The following AMOTL1 variants were observed in gnomAD, a reference collection of about 807,000 sequenced individuals.
AMOTL1 encodes angiomotin-like protein 1.
A neutral mutation model predicts 102.9 loss-of-function variants in AMOTL1; 45 were observed. The ratio of observed to expected loss-of-function variants is 0.44; its 90% confidence interval spans 0.34 to 0.56. The LOEUF is 0.56. Ranked by LOEUF, AMOTL1 falls within the 20% of genes least tolerant of loss-of-function variation. The pLI is 0.01. For synonymous variants in AMOTL1, 481 were observed against 484.7 expected, an observed-to-expected ratio of 0.99 and a Z score of 0.10; for missense variants, 1,114 against 1,225.6, an observed-to-expected ratio of 0.91 and a Z score of 1.36.
chr11:94,797,246 G>A (rs1591975337), intron 2 of AMOTL1, among the ~76,000 whole-genome samples: 1 of 152,234 alleles, frequency 6.6e-6, no homozygotes, highest in Admixed American at 6.5e-5. Context: ...TTGAGGCTCA[G>A]GGAGGGAAAG....
At chr11:94,773,150 C>T (rs900512423) in intron 1 of AMOTL1, among the ~76,000 whole-genome samples, 7 of 152,144 alleles carry the variant, frequency 4.6e-5, no homozygotes. Context: ...CATATATTTT[C>T]CCAAGTATGT....
At chr11:94,753,646 T>C (rs1399631058) in intron 3 of AMOTL1, among the ~76,000 whole-genome samples, 1 of 152,192 alleles carries the variant, frequency 6.6e-6, no homozygotes, top group African/African-American at 2.4e-5. Context: ...TGGTAAGTGG[T>C]AGGGCCAGGG....
chr11:94,751,227 A>AT (rs780916641), intron 3 of AMOTL1, among the ~76,000 whole-genome samples: 10 of 151,794 alleles, frequency 6.6e-5, no homozygotes, highest in Admixed American at 2.0e-4. Context: ...CTATATATAT[A>AT]TATTTTTTTT....
At chr11:94,862,513 A>G (rs190320805) in intron 9 of AMOTL1, among the ~76,000 whole-genome samples, 2 of 152,308 alleles carry the variant, frequency 1.3e-5, no homozygotes, top group Admixed American at 1.3e-4. Flanking sequence ...TGGTTTTCCC[A>G]TCTTTATGCA....
At chr11:94,729,166 C>T (rs1040625527) in intron 2 of AMOTL1, 6 of 729,448 alleles carry the variant, frequency 8.2e-6, no homozygotes, top group Non-Finnish European at 1.2e-5. Context: ...TTTTCAAAAG[C>T]AGCTGAGTGG....
chr11:94,730,168 C>A (rs551592789), intron 2 of AMOTL1, among the ~76,000 whole-genome samples: 4 of 152,128 alleles, frequency 2.6e-5, no homozygotes, highest in African/African-American at 9.7e-5. Flanking sequence ...AAAAACTAAA[C>A]CTCCCTAGTT....
intron 6 of AMOTL1, among the ~76,000 whole-genome samples, chr11:94,840,685 C>T (rs200497346): frequency 0.16 from 19,111 of 117,358 alleles, 1,395 homozygotes; most frequent in Admixed American, 0.29. Context: ...TATATATACA[C>T]ACACACACAC....
chr11:94,768,249 C>G, upstream of AMOTL1: 1 of 1,204,062 alleles, frequency 8.3e-7, no homozygotes, highest in Non-Finnish European at 1.0e-6. Context: ...CTCTAGGGCC[C>G]AGCGGCCGGG....
chr11:94,840,519 T>G (rs1952275097), intron 6 of AMOTL1, among the ~76,000 whole-genome samples: 1 of 151,854 alleles, frequency 6.6e-6, no homozygotes, highest in South Asian at 2.1e-4. Flanking sequence ...AGACAACACA[T>G]TTCTTCATCC....
intron 3 of AMOTL1, among the ~76,000 whole-genome samples, chr11:94,810,124 A>G (rs1268259045): frequency 6.6e-6 from 1 of 152,220 alleles, no homozygotes; most frequent in Admixed American, 6.5e-5. Context: ...CTTGTGAAAA[A>G]TCAGATAGTG....
intron 1 of AMOTL1, among the ~76,000 whole-genome samples, chr11:94,727,917 C>A (rs866324244): frequency 7.9e-5 from 12 of 152,256 alleles, no homozygotes; most frequent in Middle Eastern, 3.4e-3. Context: ...AGCCAAAAAG[C>A]AACAAGTCAA....
intron 6 of AMOTL1, among the ~76,000 whole-genome samples, chr11:94,842,545 A>C (rs1322047184): frequency 6.6e-6 from 1 of 152,222 alleles, no homozygotes; most frequent in East Asian, 1.9e-4. Context: ...ACATTTAGGC[A>C]ACAGAGTTTG....
chr11:94,776,591 G>A (rs1038180698), intron 1 of AMOTL1, among the ~76,000 whole-genome samples: 2 of 152,204 alleles, frequency 1.3e-5, no homozygotes, highest in African/African-American at 4.8e-5. Flanking sequence ...TCTTTGTGAG[G>A]TAGGGCTCTG....
chr11:94,743,651 CTTTTTTT>C lies in AMOTL1; in HGVS notation c.136+2682_136+2688del, dbSNP rs760828820. Among the ~76,000 whole-genome samples the C allele has an allele frequency of 4.0e-3, 390 of 98,142 alleles. 2 individuals carry two copies. Among genetic ancestry groups the C allele is most frequent in the African/African-American group, 0.017 (368 of 21,082 alleles). 64.4% of individuals were successfully genotyped at this position (98,142 alleles called of 152,430 possible). A position where few individuals can be genotyped will look rare whatever the true frequency, so the allele number is the denominator to read the frequency against. ...AATTATTTCTCTACTCACAATACTTCTTTTTTTTTTTTTTTTTTTTTTTTTGTGACGG... is the reference window on the plus strand; with the variant it reads ...AATTATTTCTCTACTCACAATACTTCTTTTTTTTTTTTTTTTTTGTGACGG... On this transcript the variant is annotated intron_variant, in intron 3 of 4. Coordinates refer to the AMOTL1 transcript ENST00000299004.
intron 2 of AMOTL1, among the ~76,000 whole-genome samples, chr11:94,795,596 A>G (rs1187718586): frequency 6.6e-6 from 1 of 152,202 alleles, no homozygotes; most frequent in African/African-American, 2.4e-5. Context: ...AAAACTTCCT[A>G]TCTCTTTTTG....
intron 3 of AMOTL1, among the ~76,000 whole-genome samples, chr11:94,814,188 T>G (rs1951728030): frequency 6.6e-6 from 1 of 152,210 alleles, no homozygotes; most frequent in South Asian, 2.1e-4. Flanking sequence ...GGAGAGAGGC[T>G]GAAATCAGGT....
chr11:94,769,826 G>C (rs1363365012), intron 1 of AMOTL1, among the ~76,000 whole-genome samples: 1 of 152,102 alleles, frequency 6.6e-6, no homozygotes, highest in Non-Finnish European at 1.5e-5. Flanking sequence ...CATGTTATGA[G>C]AACTGAGTTT....
At chr11:94,813,602 C>A (rs1951718321) in intron 3 of AMOTL1, among the ~76,000 whole-genome samples, 1 of 152,218 alleles carries the variant, frequency 6.6e-6, no homozygotes, top group African/African-American at 2.4e-5. Flanking sequence ...AACCTGCCAT[C>A]TCTTTAGACA....
chr11:94,822,418 C>A (rs1009915748), intron 4 of AMOTL1, among the ~76,000 whole-genome samples: 17 of 151,890 alleles, frequency 1.1e-4, no homozygotes, highest in African/African-American at 4.1e-4. Context: ...CAGAGTGAGA[C>A]CCTGTCTCAA....
Sources: allele counts gnomAD v4.1 joint callset (sites outside exome capture counted in the v4.1 genomes callset), GRCh38; gene constraint gnomAD v4.1.1; transcripts MANE v1.5; gene names NCBI Gene and HGNC (gene_info 2026-07-23, HGNC 2026-07-21).